ATP10B: variants seen among roughly 807,000 people sequenced by gnomAD.
ATP10B encodes phospholipid-transporting ATPase VB.
In ATP10B, 122 loss-of-function variants were observed where a neutral mutation model predicts 141.2. That is an observed-to-expected ratio of 0.86 (90% confidence interval 0.75 to 1.00). ATP10B has a LOEUF of 1.00. ATP10B is among the 50% of genes least tolerant of loss of function. The pLI is 0.00. For missense variants in ATP10B, 1,876 were observed against 1,825.3 expected, an observed-to-expected ratio of 1.03 and a Z score of -0.51; for synonymous variants, 685 against 692.0, an observed-to-expected ratio of 0.99 and a Z score of 0.16.
chr5:160,746,542 C>A (rs1767819169), intron 2 of ATP10B, among the ~76,000 whole-genome samples: 1 of 152,044 alleles, frequency 6.6e-6, no homozygotes, highest in African/African-American at 2.4e-5. Context: ...CAGGCACCTG[C>A]CACCACGCCC....
the ATP10B span, among the ~76,000 whole-genome samples, chr5:160,859,774 G>T: frequency 6.6e-6 from 1 of 151,828 alleles, no homozygotes; most frequent in Non-Finnish European, 1.5e-5. Context: ...TGGCCGTCAG[G>T]TATGCTTAGT....
intron 13 of ATP10B, among the ~76,000 whole-genome samples, chr5:160,625,151 A>G (rs1375006333): frequency 6.6e-6 from 1 of 152,208 alleles, no homozygotes; most frequent in Non-Finnish European, 1.5e-5. Flanking sequence ...TGTCTTGCCC[A>G]AGGTCACACA....
chr5:160,773,984 C>A, intron 2 of ATP10B, among the ~76,000 whole-genome samples: 1 of 152,154 alleles, frequency 6.6e-6, no homozygotes, highest in East Asian at 1.9e-4. Flanking sequence ...GGAGCTTTTG[C>A]GGAGTCATCA....
intron 1 of ATP10B, among the ~76,000 whole-genome samples, chr5:160,803,194 G>A (rs1772515233): frequency 6.6e-6 from 1 of 152,134 alleles, no homozygotes; most frequent in African/African-American, 2.4e-5. Context: ...GAAGGAGGAT[G>A]TTGTCATCAA....
chr5:160,784,708 C>G (rs1480858516), intron 2 of ATP10B, among the ~76,000 whole-genome samples: 6 of 152,030 alleles, frequency 3.9e-5, no homozygotes, highest in Non-Finnish European at 8.8e-5. Context: ...GGAGGTTAGC[C>G]AAGGCTTGTG....
intron 2 of ATP10B, among the ~76,000 whole-genome samples, chr5:160,732,267 G>T (rs1475878571): frequency 6.6e-6 from 1 of 152,206 alleles, no homozygotes; most frequent in Non-Finnish European, 1.5e-5. Context: ...CAGGAGAATG[G>T]AAATGACAGA....
chr5:160,805,785 G>A (rs991706847), intron 1 of ATP10B, among the ~76,000 whole-genome samples: 1 of 152,140 alleles, frequency 6.6e-6, no homozygotes, highest in Non-Finnish European at 1.5e-5. Context: ...GGTGGAGAGG[G>A]TATTAGTCAG....
intron 22 of ATP10B, among the ~76,000 whole-genome samples, chr5:160,597,870 C>T (rs974058374): frequency 6.6e-6 from 1 of 151,764 alleles, no homozygotes; most frequent in Non-Finnish European, 1.5e-5. Flanking sequence ...GTTAGAATGG[C>T]AATCATTAAA....
chr5:160,702,357 T>G (rs552922404), intron 3 of ATP10B, among the ~76,000 whole-genome samples: 10 of 152,232 alleles, frequency 6.6e-5, no homozygotes, highest in African/African-American at 2.4e-4. Context: ...ACTTGAGAAA[T>G]CATAATAGAA....
intron 17 of ATP10B, among the ~76,000 whole-genome samples, chr5:160,615,530 A>G (rs888928689): frequency 2.6e-5 from 4 of 151,714 alleles, no homozygotes; most frequent in Admixed American, 2.6e-4. Flanking sequence ...CTAGCATGTC[A>G]CTTGGCACAT....
chr5:160,756,977 T>A (rs531271432), intron 2 of ATP10B, among the ~76,000 whole-genome samples: 2 of 152,306 alleles, frequency 1.3e-5, no homozygotes, highest in Non-Finnish European at 1.5e-5. Flanking sequence ...TTGATTTTTT[T>A]AAACAGTTCA....
intron 10 of ATP10B, among the ~76,000 whole-genome samples, chr5:160,639,595 G>A (rs1561682142): frequency 6.6e-6 from 1 of 152,114 alleles, no homozygotes; most frequent in Admixed American, 6.6e-5. Context: ...AAGGAATAGA[G>A]CCTTCCTTCA....
intron 2 of ATP10B, among the ~76,000 whole-genome samples, chr5:160,747,995 G>GA (rs3075589): frequency 0.017 from 1,713 of 99,004 alleles, 14 homozygotes; most frequent in Non-Finnish European, 0.023. Context: ...CATTGAGAGA[G>GA]AAAAAAAAAA....
At chr5:160,762,180 G>A (rs1246449889) in intron 2 of ATP10B, among the ~76,000 whole-genome samples, 1 of 152,184 alleles carries the variant, frequency 6.6e-6, no homozygotes, top group Non-Finnish European at 1.5e-5. Flanking sequence ...TGGTCTTGCT[G>A]GAGATCTAGA....
At chr5:160,794,590 T>A (rs1167354686) in intron 1 of ATP10B, among the ~76,000 whole-genome samples, 1 of 152,206 alleles carries the variant, frequency 6.6e-6, no homozygotes, top group Non-Finnish European at 1.5e-5. Context: ...TTTTGGCACA[T>A]GGAGGAAGCC....
intron 6 of ATP10B, among the ~76,000 whole-genome samples, chr5:160,676,152 C>T (rs981054047): frequency 2.0e-5 from 3 of 152,096 alleles, no homozygotes; most frequent in African/African-American, 7.2e-5. Context: ...ATGTTTGAAG[C>T]CCCAGGTCTG....
intron 24 of ATP10B, among the ~76,000 whole-genome samples, chr5:160,582,164 T>C (rs1755593590): frequency 6.6e-6 from 1 of 152,212 alleles, no homozygotes; most frequent in African/African-American, 2.4e-5. Flanking sequence ...AGGTTAATAT[T>C]GTTATGTGTG....
chr5:160,566,224 G>A (rs1451388404), intron 25 of ATP10B, among the ~76,000 whole-genome samples: 2 of 152,190 alleles, frequency 1.3e-5, no homozygotes, highest in South Asian at 2.1e-4. Context: ...GGGACTGAGA[G>A]ATTTAATGAT....
chr5:160,854,082 CT>C, upstream of ATP10B, among the ~76,000 whole-genome samples: 1 of 152,246 alleles, frequency 6.6e-6, no homozygotes, highest in South Asian at 2.1e-4. Context: ...TAGACAGAGG[CT>C]TTTGCTCCCA....
Sources: gnomAD v4.1 joint callset for allele counts (sites outside exome capture counted in the v4.1 genomes callset) on GRCh38, gnomAD v4.1.1 for gene constraint, MANE v1.5 for transcripts, NCBI Gene and HGNC (gene_info 2026-07-23, HGNC 2026-07-21) for gene names.